KIF5C: variants seen among roughly 807,000 people sequenced by gnomAD.
The protein encoded by KIF5C is kinesin heavy chain isoform 5C.
KIF5C carries 18 observed loss-of-function variants against 125.2 expected under a neutral mutation model. The ratio of observed to expected loss-of-function variants is 0.14; its 90% CI spans 0.10 to 0.21. The LOEUF (loss-of-function observed/expected upper bound fraction) is 0.21, where lower values mean the gene tolerates loss of function less well. Ranked by LOEUF, KIF5C falls within the 10% of genes least tolerant of loss-of-function variation. KIF5C has a pLI of 1.00. For missense variants in KIF5C, 780 were observed against 1,183.8 expected (o/e 0.66, Z 5.01); for synonymous variants, 405 against 434.0 (o/e 0.93, Z 0.83).
chr2:148,907,967 G>C (rs1461651330), intron 1 of KIF5C, among the ~76,000 whole-genome samples: 2 of 152,226 alleles, frequency 1.3e-5, no homozygotes, highest in African/African-American at 4.8e-5. Context: ...GGGAGCCCCT[G>C]CTGTAGTCCT....
intron 21 of KIF5C, among the ~76,000 whole-genome samples, chr2:149,002,171 AT>A (rs1484700155): frequency 6.6e-6 from 1 of 152,258 alleles, no homozygotes; most frequent in African/African-American, 2.4e-5. Context: ...ATTCAGAAAA[AT>A]ATTGAACATT....
chr2:148,977,882 A>C (rs544632433), intron 12 of KIF5C, among the ~76,000 whole-genome samples: 1 of 152,266 alleles, frequency 6.6e-6, no homozygotes, highest in South Asian at 2.1e-4. Flanking sequence ...CAGGCCCTTA[A>C]GTTTGGGTTA....
chr2:148,952,758 T>C (rs6751242), intron 10 of KIF5C, among the ~76,000 whole-genome samples: 20,938 of 152,066 alleles, frequency 0.14, 2,210 homozygotes, highest in African/African-American at 0.29. Flanking sequence ...ATTATATGAG[T>C]TGCTTCAGTT....
At chr2:148,972,377 T>C (rs1426246580) in intron 11 of KIF5C, among the ~76,000 whole-genome samples, 1 of 152,226 alleles carries the variant, frequency 6.6e-6, no homozygotes, top group East Asian at 1.9e-4. Flanking sequence ...GATTGTGGTG[T>C]TGATGGTAAA....
chr2:149,003,258 G>T (rs1341765227), intron 21 of KIF5C, among the ~76,000 whole-genome samples: 1 of 152,232 alleles, frequency 6.6e-6, no homozygotes, highest in African/African-American at 2.4e-5. Context: ...CCTCCTCAGC[G>T]CAGGGCCCGT....
intron 11 of KIF5C, 64 bp from the exon 12 acceptor site, chr2:148,973,272 T>G (rs1422707667): frequency 1.3e-6 from 2 of 1,532,324 alleles, no homozygotes; most frequent in African/African-American, 2.8e-5. Context: ...TTTTTGGTAC[T>G]CTTCCTGGAG....
chr2:149,000,971 C>T (rs185637208), intron 21 of KIF5C, among the ~76,000 whole-genome samples, 189 bp downstream of exon 21: 2 of 152,364 alleles, frequency 1.3e-5, no homozygotes, highest in Admixed American at 6.5e-5. Flanking sequence ...ACCAATCCAT[C>T]TATCCTTAGA....
chr2:149,015,277 T>TA (rs1682328530), intron 25 of KIF5C, among the ~76,000 whole-genome samples: 1 of 152,182 alleles, frequency 6.6e-6, no homozygotes. Context: ...TAAAAAGGGG[T>TA]AGTAATCAAC....
At chr2:149,011,512 T>C (rs1190265193) in intron 24 of KIF5C, 58 bp from the exon 25 acceptor site, 1 of 1,599,928 alleles carries the variant, frequency 6.3e-7, no homozygotes, top group Non-Finnish European at 8.5e-7. Flanking sequence ...GATATCAGGG[T>C]TGCTGTTAAG....
At chr2:149,020,354 T>G (rs936507181) in intron 25 of KIF5C, 8 of 152,176 alleles carry the variant, frequency 5.3e-5, no homozygotes, top group Non-Finnish European at 1.0e-4. Context: ...GTTCCTGTGC[T>G]TTTCCTCTCC....
rs139197810 is a variant in KIF5C at position 148,948,821 on chromosome 2, A to G, written c.715-1018A>G. On this transcript the variant is annotated intron_variant, in intron 8 of 25. Coordinates refer to ENST00000435030, the MANE Select transcript of KIF5C (RefSeq NM_004522.3). ...TGCTCAAATAAGAAAGCATCTTAAAATAACAGTGCTTAAAATAACATAGAC... is the reference window on the plus strand; with the variant it reads ...TGCTCAAATAAGAAAGCATCTTAAAGTAACAGTGCTTAAAATAACATAGAC... 3.9e-3 allele frequency among the ~76,000 whole-genome samples: 587 copies of G among 152,334 alleles called. 2 individuals carry two copies. Among genetic ancestry groups the G allele is most frequent in the African/African-American group, 0.013 (556 of 41,578 alleles).
chr2:149,006,007 G>C, intron 22 of KIF5C, among the ~76,000 whole-genome samples: 1 of 152,170 alleles, frequency 6.6e-6, no homozygotes. Flanking sequence ...TTGCACTGGT[G>C]GGAAGAGCCA....
At position 148,947,017 on chromosome 2, in the gene KIF5C, C is replaced by T. The variant is rs117562909; in HGVS notation, c.708C>T (p.Ser236=). 1.7e-3 allele frequency: 2,720 copies of T among 1,610,160 alleles called. 62 individuals carry two copies. The East Asian group carries it at 0.053, about 32-fold the overall frequency. ...TTTATTTGGTTGATTTGGCTGGGAG[C>T]GAAAAGGTAATTTGTTCTTTATTTG... ...GKLYLVDLAG[S]EKVSKTGAEG... The change falls in exon 8 of 26, where the codon AGC becomes AGT. Residue 236 remains serine, a synonymous_variant. Coordinates refer to ENST00000435030, the MANE Select transcript of KIF5C (RefSeq NM_004522.3).
intron 1 of KIF5C, chr2:148,885,586 A>T (rs1261909288): frequency 6.6e-6 from 1 of 152,246 alleles, no homozygotes; most frequent in East Asian, 1.9e-4. Context: ...GCTGGAAAAT[A>T]CGTCCACAGA....
chr2:148,962,238 T>C lies in KIF5C; in HGVS notation c.1117+119T>C, dbSNP rs1031742036. The stretch of plus-strand genomic sequence containing the variant: ...TGGAGTGCAGTGGCGTGATCTTGGC[T>C]CACCGCAACCTCTGCCTCCAGGGTT... On this transcript the variant is annotated intron_variant, in intron 11 of 25. Transcript: ENST00000435030. 7 of 1,379,196 alleles carry C rather than the reference T, an allele frequency of 5.1e-6. No homozygotes were observed. In the South Asian group the frequency reaches 1.1e-4, roughly 23 times the overall value. 85.4% of individuals were successfully genotyped at this position (1,379,196 alleles called of 1,614,324 possible).
intron 1 of KIF5C, chr2:148,879,931 G>A (rs1402463855): frequency 6.6e-6 from 1 of 152,174 alleles, no homozygotes; most frequent in Non-Finnish European, 1.5e-5. Context: ...GTCTTCAGAA[G>A]CTTAGATTAT....
intron 21 of KIF5C, among the ~76,000 whole-genome samples, chr2:149,003,931 CAG>C (rs1368472743): frequency 6.6e-6 from 1 of 152,102 alleles, no homozygotes; most frequent in Non-Finnish European, 1.5e-5. Flanking sequence ...TGACAAGAAA[CAG>C]AGAGAGTGCA....
intron 10 of KIF5C, among the ~76,000 whole-genome samples, chr2:148,956,423 G>C (rs563142776): frequency 5.3e-5 from 8 of 152,188 alleles, no homozygotes; most frequent in Non-Finnish European, 1.2e-4. Flanking sequence ...AAGATGTACT[G>C]TGGCCTCTGA....
At chr2:148,908,127 T>C (rs1038382156) in intron 1 of KIF5C, among the ~76,000 whole-genome samples, 1 of 152,256 alleles carries the variant, frequency 6.6e-6, no homozygotes, top group Non-Finnish European at 1.5e-5. Flanking sequence ...ATCCCAATCT[T>C]TACCAGAGTT....
Sources: gnomAD v4.1 joint callset for allele counts (sites outside exome capture counted in the v4.1 genomes callset) on GRCh38, gnomAD v4.1.1 for gene constraint, MANE v1.5 for transcripts, NCBI Gene and HGNC (gene_info 2026-07-23, HGNC 2026-07-21) for gene names.